Variants in SCAP observed in about 807,000 individuals in gnomAD.
The protein encoded by SCAP is SREBF chaperone, also known as sterol regulatory element-binding protein cleavage-activating protein.
A neutral mutation model predicts 123.6 loss-of-function variants in SCAP; 65 were observed. The observed-to-expected ratio is 0.53, with a 90% CI of 0.43 to 0.65. The LOEUF is 0.65. Among genes scored for constraint, SCAP ranks in the 30% least tolerant of loss-of-function variants. The pLI, the probability that SCAP is intolerant of heterozygous loss-of-function variation, is 0.00. For missense variants in SCAP, 1,398 were observed against 1,712.5 expected (o/e 0.82, Z 3.24); for synonymous variants, 740 against 726.3 (o/e 1.02, Z -0.30).
chr3:47,469,850 A>T (rs574568988), intron 1 of SCAP: 2 of 582,496 alleles, frequency 3.4e-6, no homozygotes, highest in East Asian at 9.6e-5. Flanking sequence ...CATTTTGATC[A>T]TAGTGCAAAG....
intron 21 of SCAP, 37 bp from the exon 22 acceptor site, chr3:47,414,423 T>C (rs763644731): frequency 6.2e-7 from 1 of 1,609,170 alleles, no homozygotes; most frequent in Non-Finnish European, 8.5e-7. Context: ...GTCACCATGG[T>C]GTAATACCTC....
chr3:47,459,969 T>C (rs773060989), intron 1 of SCAP, among the ~76,000 whole-genome samples: 1 of 152,148 alleles, frequency 6.6e-6, no homozygotes, highest in Non-Finnish European at 1.5e-5. Flanking sequence ...CAGGAATGCA[T>C]TCCTTTCCCA....
Position 47,414,115 on chromosome 3 carries a change from T to C in SCAP, c.3595-16A>G, listed in dbSNP as rs535264774. The C allele has an allele frequency of 1.3e-5, 21 of 1,613,456 alleles. No individual in the cohort carries two copies. The East Asian group carries it at 4.2e-4, about 33-fold the overall frequency. The stretch of plus-strand genomic sequence containing the variant: ...AGCCCAGGTCCTGGAGGCAAGGACA[T>C]GACAAGCTCAGTCCTGAGTCCTTCC... On this transcript the variant is annotated splice_polypyrimidine_tract_variant and intron_variant, in intron 22 of 22. Transcript: ENST00000265565.
chr3:47,443,026 A>G lies in SCAP; in HGVS notation c.-33T>C, dbSNP rs1278092216. 1 of 1,612,420 alleles carries G rather than the reference A, an allele frequency of 6.2e-7. No individual in the cohort carries two copies. Among genetic ancestry groups the G allele is most frequent in the East Asian group, 2.2e-5 (1 of 44,884 alleles). ...CGAAGTCACCTTGCTGCCATCCCGG[A>G]AAGTGACCATGGATCACCCTGGCAC... On this transcript the variant is annotated 5_prime_UTR_variant, in exon 2 of 23. Coordinates refer to ENST00000265565, the MANE Select transcript of SCAP (RefSeq NM_012235.4).
At chr3:47,474,064 G>C (rs1396733505) in intron 1 of SCAP, among the ~76,000 whole-genome samples, 5 of 152,032 alleles carry the variant, frequency 3.3e-5, no homozygotes, top group African/African-American at 1.2e-4. Context: ...AGGAGATAGA[G>C]ACGATCCTGG....
In SCAP at chr3:47,427,437, C is replaced by T; in HGVS notation, c.631+10G>A. On this transcript the variant is annotated intron_variant, in intron 5 of 22. Coordinates refer to ENST00000265565, the MANE Select transcript of SCAP (RefSeq NM_012235.4). The stretch of plus-strand genomic sequence containing the variant: ...TTTACAGGTCTGAAGGGAACTTGTA[C>T]TGGGGCTACCTTTGAGTGTGGCTGA... 4 of 1,613,656 alleles carry T rather than the reference C, an allele frequency of 2.5e-6. No individual in the cohort carries two copies. The highest frequency in any genetic ancestry group is 3.4e-6 in the Non-Finnish European group (4 of 1,179,590).
At chr3:47,427,997 G>A (rs564540502) in intron 4 of SCAP, among the ~76,000 whole-genome samples, 1 of 152,226 alleles carries the variant, frequency 6.6e-6, no homozygotes, top group Non-Finnish European at 1.5e-5. Context: ...GTAAATTAGG[G>A]GCTTCATTTA....
chr3:47,431,794 T>C (rs902580639), intron 3 of SCAP, among the ~76,000 whole-genome samples: 12 of 152,220 alleles, frequency 7.9e-5, no homozygotes, highest in African/African-American at 2.9e-4. Context: ...GCTTCTTCAC[T>C]GTAAAGTTAC....
At chr3:47,455,421 C>T (rs1452940836) in intron 1 of SCAP, among the ~76,000 whole-genome samples, 1 of 151,078 alleles carries the variant, frequency 6.6e-6, no homozygotes, top group Non-Finnish European at 1.5e-5. Flanking sequence ...ATGGTGAAAC[C>T]CCGTCTCTAC....
At chr3:47,443,307 C>CCT (rs67862137) in intron 1 of SCAP, 66,010 of 130,658 alleles carry the variant, frequency 0.51, 16,906 homozygotes, top group Non-Finnish European at 0.55. Context: ...CTCTCTCTCT[C>CCT]TCTCCCTCCC....
At chr3:47,421,150 CAGAGATG>C (rs1705881305) in intron 10 of SCAP, 121 bp from the exon 11 acceptor site, 2 of 767,754 alleles carry the variant, frequency 2.6e-6, no homozygotes, top group Non-Finnish European at 2.3e-6. Flanking sequence ...CAGGGCACAG[CAGAGATG>C]AGAGATGCTG....
chr3:47,441,152 G>A (rs1022652589), intron 2 of SCAP, among the ~76,000 whole-genome samples: 5 of 151,898 alleles, frequency 3.3e-5, no homozygotes, highest in African/African-American at 4.8e-5. Context: ...TGCCCGCCTC[G>A]GCCTCCCAAA....
intron 2 of SCAP, among the ~76,000 whole-genome samples, chr3:47,437,506 C>A (rs1706628894): frequency 6.6e-6 from 1 of 150,718 alleles, no homozygotes. Flanking sequence ...TTTGGGAGGC[C>A]AAGGCAGAAG....
chr3:47,472,914 C>T lies in SCAP; in HGVS notation c.-99+2885G>A, dbSNP rs191047020. ...TGACCAATAGGGAGAAACCTCGCCTCTACTAAAAATACAAAATTAGCCAGG... is the reference window on the plus strand; with the variant it reads ...TGACCAATAGGGAGAAACCTCGCCTTTACTAAAAATACAAAATTAGCCAGG... On this transcript the variant is annotated intron_variant, in intron 1 of 22. Transcript: ENST00000265565. Among the ~76,000 whole-genome samples the T allele has an allele frequency of 3.3e-5, 5 of 151,878 alleles. No homozygotes were observed. The East Asian group carries it at 9.7e-4, about 29-fold the overall frequency.
intron 14 of SCAP, 47 bp downstream of exon 14, chr3:47,418,608 C>G: frequency 1.3e-6 from 2 of 1,519,432 alleles, no homozygotes; most frequent in Non-Finnish European, 1.8e-6. Context: ...GCCTACCCGT[C>G]CCCCTCCCCG....
In SCAP at chr3:47,414,110, G is replaced by A; in HGVS notation, c.3595-11C>T. On this transcript the variant is annotated splice_polypyrimidine_tract_variant and intron_variant, in intron 22 of 22. Transcript: ENST00000265565. ...ACCACAGCCCAGGTCCTGGAGGCAA[G>A]GACATGACAAGCTCAGTCCTGAGTC... The A allele has an allele frequency of 1.2e-6, 2 of 1,613,454 alleles. No homozygotes were observed. Among genetic ancestry groups the A allele is most frequent in the Non-Finnish European group, 1.7e-6 (2 of 1,180,026 alleles).
At chr3:47,443,209 G>T in intron 1 of SCAP, 118 bp from the exon 2 acceptor site, 28 of 521,794 alleles carry the variant, frequency 5.4e-5, no homozygotes, top group Non-Finnish European at 6.0e-5. Context: ...CTATATGCAA[G>T]GTCTAGTGAC....
At chr3:47,446,850 G>A (rs1350694302) in intron 1 of SCAP, among the ~76,000 whole-genome samples, 1 of 152,022 alleles carries the variant, frequency 6.6e-6, no homozygotes, top group Non-Finnish European at 1.5e-5. Context: ...AGGCTGAAGT[G>A]GGAGGATCAC....
intron 1 of SCAP, among the ~76,000 whole-genome samples, chr3:47,462,753 CA>C (rs369097240): frequency 0.44 from 35,055 of 78,978 alleles, 4,535 homozygotes; most frequent in Middle Eastern, 0.51. Flanking sequence ...AACTCCGTCT[CA>C]AAAAAAAAAA....
Sources: gnomAD v4.1 joint callset for allele counts (sites outside exome capture counted in the v4.1 genomes callset) on GRCh38, gnomAD v4.1.1 for gene constraint, MANE v1.5 for transcripts, NCBI Gene and HGNC (gene_info 2026-07-23, HGNC 2026-07-21) for gene names.